PTPRD: variants seen among roughly 807,000 people sequenced by gnomAD.
PTPRD encodes the protein protein tyrosine phosphatase receptor type D, also known as receptor-type tyrosine-protein phosphatase delta.
Under a neutral mutation model 214.5 loss-of-function variants are expected in PTPRD, and 34 were observed. The ratio of observed to expected loss-of-function variants is 0.16; its 90% CI spans 0.12 to 0.21. PTPRD has a LOEUF of 0.21. Among genes scored for constraint, PTPRD ranks in the 10% least tolerant of loss-of-function variants. The pLI is 1.00. For missense variants in PTPRD, 2,545 were observed against 2,398.7 expected (o/e 1.06, Z -1.27); for synonymous variants, 1,128 against 845.7 (o/e 1.33, Z -5.79).
chr9:8,915,392 A>G (rs2098777838), intron 11 of PTPRD, among the ~76,000 whole-genome samples: 1 of 152,202 alleles, frequency 6.6e-6, no homozygotes, highest in Non-Finnish European at 1.5e-5. Flanking sequence ...ATTTACAACA[A>G]GAGGCATATA....
chr9:8,370,796 G>A (rs2081305342), intron 39 of PTPRD, among the ~76,000 whole-genome samples: 1 of 152,040 alleles, frequency 6.6e-6, no homozygotes, highest in Admixed American at 6.6e-5. Context: ...TGGAGAATCT[G>A]CCTGATTTAT....
At chr9:9,154,942 T>C (rs376941781) in intron 10 of PTPRD, among the ~76,000 whole-genome samples, 43 of 152,328 alleles carry the variant, frequency 2.8e-4, no homozygotes, top group African/African-American at 1.0e-3. Flanking sequence ...GAGTTAACTC[T>C]TATTTTCTGT....
intron 11 of PTPRD, among the ~76,000 whole-genome samples, chr9:8,834,259 T>C (rs1329980345): frequency 6.6e-6 from 1 of 152,142 alleles, no homozygotes. Flanking sequence ...CGTAGATTTA[T>C]TTTTAGATAG....
In PTPRD at chr9:8,486,902, T is replaced by C. The variant is rs147667009; in HGVS notation, c.2468-553A>G. Among the ~76,000 whole-genome samples, 212 of 152,260 alleles carry C rather than the reference T, an allele frequency of 1.4e-3. 2 individuals carry two copies. The highest frequency in any genetic ancestry group is 4.8e-3 in the African/African-American group (201 of 41,564). ...GGTAGAAAACTTTCCAAGGCTAGCA[T>C]GTAACAAGTGAGAAATCTATAAGGC... On this transcript the variant is annotated intron_variant, in intron 27 of 45. Coordinates refer to ENST00000381196, the MANE Select transcript of PTPRD (RefSeq NM_002839.4).
intron 11 of PTPRD, among the ~76,000 whole-genome samples, chr9:8,805,856 A>G (rs1490818664): frequency 6.7e-6 from 1 of 149,576 alleles, no homozygotes; most frequent in Non-Finnish European, 1.5e-5. Context: ...TAAGCCGGGC[A>G]TGGTGGTGGA....
At chr9:9,469,629 A>T (rs2094457112) in intron 8 of PTPRD, among the ~76,000 whole-genome samples, 1 of 152,200 alleles carries the variant, frequency 6.6e-6, no homozygotes, top group African/African-American at 2.4e-5. Flanking sequence ...GAGCATATAC[A>T]TTCTACAATA....
At chr9:9,306,503 G>A (rs1283595858) in intron 9 of PTPRD, among the ~76,000 whole-genome samples, 1 of 140,934 alleles carries the variant, frequency 7.1e-6, no homozygotes, top group Non-Finnish European at 1.5e-5. Context: ...GGCAGAGGTT[G>A]CAGTGAACCG....
intron 8 of PTPRD, among the ~76,000 whole-genome samples, chr9:9,416,274 C>T (rs2076962296): frequency 1.3e-5 from 2 of 152,108 alleles, no homozygotes; most frequent in South Asian, 2.1e-4. Flanking sequence ...CTGATCGTCT[C>T]ATGGTTGGGT....
Position 8,775,671 on chromosome 9 carries a change from T to C in PTPRD, c.-103-41725A>G, listed in dbSNP as rs371751810. ...GCATGATGCTCTGTTATCTCAATTATAAACCACTAATTTCTAAGATCCAAT... is the reference window on the plus strand; with the variant it reads ...GCATGATGCTCTGTTATCTCAATTACAAACCACTAATTTCTAAGATCCAAT... On this transcript the variant is annotated intron_variant, in intron 11 of 45. Coordinates refer to ENST00000381196, the MANE Select transcript of PTPRD (RefSeq NM_002839.4). 1.8e-4 allele frequency among the ~76,000 whole-genome samples: 27 copies of C among 152,300 alleles called. No homozygotes were observed. In the South Asian group the frequency reaches 5.6e-3, roughly 32 times the overall value.
chr9:8,549,965 T>C (rs2081512652), intron 14 of PTPRD, among the ~76,000 whole-genome samples: 1 of 152,106 alleles, frequency 6.6e-6, no homozygotes, highest in East Asian at 1.9e-4. Context: ...TGAAAGAAGA[T>C]TAAAATTAAT....
At position 9,284,693 on chromosome 9, in the gene PTPRD, G is replaced by T. The variant is rs147065130; in HGVS notation, c.-202-101330C>A. 8.0e-3 allele frequency among the ~76,000 whole-genome samples: 1,222 copies of T among 151,844 alleles called. 64 individuals are homozygous for T. Among genetic ancestry groups the T allele is most frequent in the Admixed American group, 0.074 (1,121 of 15,184 alleles). Reference sequence around the variant, plus strand: ...TTAACTTAGAGGAAATACTGAAAATGAAGACAGCCTTTTAGAGAAAAGTGT... The same window carrying T: ...TTAACTTAGAGGAAATACTGAAAATTAAGACAGCCTTTTAGAGAAAAGTGT... On this transcript the variant is annotated intron_variant, in intron 9 of 45. Transcript: ENST00000381196.
rs375534292 is a variant in PTPRD at position 9,739,005 on chromosome 9, T to C, written c.-325-4434A>G. On this transcript the variant is annotated intron_variant, in intron 6 of 45. Coordinates refer to ENST00000381196, the MANE Select transcript of PTPRD (RefSeq NM_002839.4). ...TATAGAAATGCATTTGATTTCTTAG[T>C]GAGGAACCTCAATAAAAAATCATAT... Among the ~76,000 whole-genome samples the C allele has an allele frequency of 3.0e-4, 46 of 152,324 alleles. No individual in the cohort carries two copies. The South Asian group carries it at 7.5e-3, about 25-fold the overall frequency.
intron 2 of PTPRD, among the ~76,000 whole-genome samples, chr9:10,599,754 T>A (rs1457392575): frequency 6.6e-6 from 1 of 151,794 alleles, no homozygotes; most frequent in Non-Finnish European, 1.5e-5. Flanking sequence ...TGCTCTATTT[T>A]AAAAAATAGC....
intron 2 of PTPRD, among the ~76,000 whole-genome samples, chr9:10,463,750 C>CAAAAAAGAGGTGTGATCCAAGA (rs529313063): frequency 1.5e-3 from 220 of 151,440 alleles, no homozygotes; most frequent in African/African-American, 4.9e-3. Context: ...CAGAGTCTTA[C>CAAAAAAGAGGTGTGATCCAAGA]AAAAAAGAGG....
At chr9:9,002,224 T>C (rs10977435) in intron 11 of PTPRD, among the ~76,000 whole-genome samples, 38,734 of 151,888 alleles carry the variant, frequency 0.26, 6,009 homozygotes, top group Middle Eastern at 0.36. Context: ...AAATATTCAA[T>C]ATAAAAAACT....
At chr9:8,597,447 T>C (rs1213824014) in intron 14 of PTPRD, among the ~76,000 whole-genome samples, 1 of 152,080 alleles carries the variant, frequency 6.6e-6, no homozygotes, top group Non-Finnish European at 1.5e-5. Flanking sequence ...ACCCTCCTTG[T>C]TCCACAAAGA....
intron 3 of PTPRD, among the ~76,000 whole-genome samples, chr9:10,042,929 TA>T (rs1413446744): frequency 2.0e-5 from 3 of 151,980 alleles, no homozygotes; most frequent in Non-Finnish European, 4.4e-5. Flanking sequence ...CTATAACATG[TA>T]AACAGTTGAA....
At chr9:9,474,682 G>GA (rs1569568647) in intron 8 of PTPRD, among the ~76,000 whole-genome samples, 1 of 151,180 alleles carries the variant, frequency 6.6e-6, no homozygotes, top group Non-Finnish European at 1.5e-5. Flanking sequence ...TATTCCTAGG[G>GA]TTTTTTTTGT....
intron 14 of PTPRD, among the ~76,000 whole-genome samples, chr9:8,589,073 T>C (rs767630470): frequency 2.6e-5 from 4 of 152,204 alleles, no homozygotes; most frequent in Non-Finnish European, 4.4e-5. Flanking sequence ...ATAGAAAATT[T>C]TGAGTGATAT....
Sources: gnomAD v4.1 joint callset for allele counts (sites outside exome capture counted in the v4.1 genomes callset) on GRCh38, gnomAD v4.1.1 for gene constraint, MANE v1.5 for transcripts, NCBI Gene and HGNC (gene_info 2026-07-23, HGNC 2026-07-21) for gene names.